The following TSNARE1 variants were observed in gnomAD, a reference collection of about 807,000 sequenced individuals.
The protein encoded by TSNARE1 is t-SNARE domain-containing protein 1.
Under a neutral mutation model 62.0 loss-of-function variants are expected in TSNARE1, and 49 were observed. The ratio of observed to expected loss-of-function variants is 0.79; its 90% CI spans 0.63 to 1.00. TSNARE1 has a LOEUF of 1.00. Ranked by LOEUF, TSNARE1 falls within the 50% of genes least tolerant of loss-of-function variation. The pLI is 0.00. For synonymous variants in TSNARE1, 328 were observed against 294.4 expected, an observed-to-expected ratio of 1.11 and a Z score of -1.17; for missense variants, 755 against 700.1, an observed-to-expected ratio of 1.08 and a Z score of -0.88.
At chr8:142,339,293 GA>G (rs1342352535) in intron 4 of TSNARE1, among the ~76,000 whole-genome samples, 2 of 152,142 alleles carry the variant, frequency 1.3e-5, no homozygotes, top group East Asian at 3.9e-4. Flanking sequence ...GGCTCAAAGC[GA>G]AGTTGACGTT....
chr8:142,328,540 A>C (rs1830566693), intron 6 of TSNARE1, among the ~76,000 whole-genome samples: 1 of 152,246 alleles, frequency 6.6e-6, no homozygotes, highest in Non-Finnish European at 1.5e-5. Context: ...AGGAGTGCTA[A>C]CAGGCAGCAC....
intron 12 of TSNARE1, among the ~76,000 whole-genome samples, chr8:142,249,789 C>T (rs2130268172): frequency 6.6e-6 from 1 of 152,328 alleles, no homozygotes; most frequent in Non-Finnish European, 1.5e-5. Flanking sequence ...CCCTCTCCCT[C>T]ACTACCTAGA....
At chr8:142,309,502 C>A (rs565974807) in intron 9 of TSNARE1, among the ~76,000 whole-genome samples, 1 of 152,258 alleles carries the variant, frequency 6.6e-6, no homozygotes, top group South Asian at 2.1e-4. Flanking sequence ...TTTTTTCTAT[C>A]TGTTGAAATG....
chr8:142,354,517 A>C, intron 2 of TSNARE1, 120 bp downstream of exon 2: 1 of 686,480 alleles, frequency 1.5e-6, no homozygotes, highest in African/African-American at 1.8e-5. Context: ...CTCAGGACAC[A>C]GGCCACTTTC....
intron 9 of TSNARE1, among the ~76,000 whole-genome samples, chr8:142,309,894 T>C (rs1249862969): frequency 6.6e-6 from 1 of 152,188 alleles, no homozygotes; most frequent in East Asian, 1.9e-4. Flanking sequence ...TTGTGGGATA[T>C]TTTTAAATTA....
chr8:142,223,393 CTCAT>C (rs1816595273), intron 13 of TSNARE1, among the ~76,000 whole-genome samples: 1 of 151,978 alleles, frequency 6.6e-6, no homozygotes, highest in Non-Finnish European at 1.5e-5. Context: ...CAAGTATTCA[CTCAT>C]TCACTCGTTC....
At chr8:142,251,650 A>G (rs1210796441) in intron 12 of TSNARE1, among the ~76,000 whole-genome samples, 9 of 151,942 alleles carry the variant, frequency 5.9e-5, no homozygotes, top group Non-Finnish European at 7.4e-5. Context: ...CCCTTCACTG[A>G]GTGCCTCTTG....
intron 2 of TSNARE1, among the ~76,000 whole-genome samples, chr8:142,349,064 G>A (rs1052282105): frequency 6.6e-5 from 10 of 152,294 alleles, no homozygotes; most frequent in African/African-American, 1.4e-4. Context: ...CCACACAGAA[G>A]GCCAAGAGCT....
At chr8:142,302,149 CA>C (rs1171357105) in intron 9 of TSNARE1, among the ~76,000 whole-genome samples, 1 of 152,128 alleles carries the variant, frequency 6.6e-6, no homozygotes, top group African/African-American at 2.4e-5. Flanking sequence ...TGCAATTCAG[CA>C]AACCTGGCCA....
intron 6 of TSNARE1, among the ~76,000 whole-genome samples, chr8:142,321,837 G>A (rs548339959): frequency 2.0e-5 from 3 of 152,102 alleles, no homozygotes; most frequent in Non-Finnish European, 2.9e-5. Flanking sequence ...AAATACACAG[G>A]CACAACAGGC....
rs567337986 is a variant in TSNARE1 at position 142,319,350 on chromosome 8, C to T, written c.894-716G>A. Among the ~76,000 whole-genome samples, 8 of 152,080 alleles carry T rather than the reference C, an allele frequency of 5.3e-5. No individual in the cohort carries two copies. In the South Asian group the frequency reaches 8.3e-4, roughly 16 times the overall value. On this transcript the variant is annotated intron_variant, in intron 6 of 13. Coordinates refer to ENST00000524325, the MANE Select transcript of TSNARE1 (RefSeq NM_145003.5). This position sits in a 1 kb window ranked among gnomAD's most constrained non-coding sequence, Gnocchi z 4.9. ...AGGGGTGCACACCTCTGAGGGGCCC[C>T]GGGTGAGACGGTTCTCACACCCAGA...
At chr8:142,366,819 A>AGAAAT (rs986439745) in intron 1 of TSNARE1, among the ~76,000 whole-genome samples, 2 of 152,246 alleles carry the variant, frequency 1.3e-5, no homozygotes, top group Non-Finnish European at 2.9e-5. Context: ...AAACAAAAAA[A>AGAAAT]GAAATGAAAC....
intron 9 of TSNARE1, among the ~76,000 whole-genome samples, chr8:142,310,238 A>T (rs1827345741): frequency 6.6e-6 from 1 of 152,230 alleles, no homozygotes; most frequent in African/African-American, 2.4e-5. Context: ...ATATTACTAC[A>T]TAACACTTAC....
chr8:142,274,149 C>G, intron 12 of TSNARE1: 1 of 985,384 alleles, frequency 1.0e-6, no homozygotes, highest in Non-Finnish European at 1.2e-6. Context: ...CATCTCTGCC[C>G]GTCAGGGCCA....
intron 12 of TSNARE1, among the ~76,000 whole-genome samples, chr8:142,259,441 C>T (rs1307743430): frequency 6.6e-6 from 1 of 152,194 alleles, no homozygotes; most frequent in Non-Finnish European, 1.5e-5. Flanking sequence ...CCCCCCATAC[C>T]CCTACAGGCT....
chr8:142,331,532 T>A (rs1831032953), intron 5 of TSNARE1, among the ~76,000 whole-genome samples: 1 of 152,202 alleles, frequency 6.6e-6, no homozygotes, highest in African/African-American at 2.4e-5. Context: ...CCCTTGCTCC[T>A]TCCCACCCAT....
chr8:142,269,983 G>A (rs1255059240), intron 12 of TSNARE1: 22 of 985,438 alleles, frequency 2.2e-5, no homozygotes, highest in Non-Finnish European at 2.5e-5. Context: ...ACTCTCGGCT[G>A]TGCCAGAGCT....
At chr8:142,396,037 G>A (rs1837871211) in intron 1 of TSNARE1, among the ~76,000 whole-genome samples, 2 of 152,132 alleles carry the variant, frequency 1.3e-5, no homozygotes, top group African/African-American at 4.8e-5. Flanking sequence ...GCAGACGCCT[G>A]TGGCTCTCTT....
chr8:142,245,359 G>A (rs187698768), intron 12 of TSNARE1, among the ~76,000 whole-genome samples: 9 of 152,340 alleles, frequency 5.9e-5, no homozygotes, highest in East Asian at 5.8e-4. Context: ...AGCAGCAGCC[G>A]ACACAAGTGT....
Sources: gnomAD v4.1 joint callset for allele counts (sites outside exome capture counted in the v4.1 genomes callset) on GRCh38, gnomAD v4.1.1 for gene constraint, Gnocchi (gnomAD v3.1) non-coding constraint, MANE v1.5 for transcripts, NCBI Gene and HGNC (gene_info 2026-07-23, HGNC 2026-07-21) for gene names.